Variants in MAF observed in about 807,000 individuals in gnomAD.
The protein encoded by MAF is transcription factor Maf.
Under a neutral mutation model 22.0 loss-of-function variants are expected in MAF, and 10 were observed. The ratio of observed to expected loss-of-function variants is 0.45; its 90% CI spans 0.28 to 0.77. The LOEUF (loss-of-function observed/expected upper bound fraction) is 0.77. Ranked by LOEUF, MAF falls within the 30% of genes least tolerant of loss-of-function variation. The pLI, the probability that MAF is intolerant of heterozygous loss-of-function variation, is 0.12. For synonymous variants in MAF, 337 were observed against 255.8 expected (o/e 1.32, Z -3.03); for missense variants, 544 against 548.4 (o/e 0.99, Z 0.08).
chr16:79,535,714 C>A, the MAF span, among the ~76,000 whole-genome samples: 1 of 151,160 alleles, frequency 6.6e-6, no homozygotes, highest in African/African-American at 2.4e-5. Flanking sequence ...TAGGAGTCCT[C>A]AGCCTCCTGA....
chr16:79,433,345 T>C, the MAF span, among the ~76,000 whole-genome samples: 8 of 151,090 alleles, frequency 5.3e-5, no homozygotes, highest in African/African-American at 1.9e-4. Context: ...AACGGGACGA[T>C]GGAGTTGGTG....
At chr16:79,337,733 G>A in the MAF span, among the ~76,000 whole-genome samples, 1 of 152,138 alleles carries the variant, frequency 6.6e-6, no homozygotes, top group Non-Finnish European at 1.5e-5. Context: ...GCACACGTGT[G>A]CACCTTATCT....
At chr16:79,361,450 G>C in the MAF span, among the ~76,000 whole-genome samples, 1 of 152,300 alleles carries the variant, frequency 6.6e-6, no homozygotes, top group African/African-American at 2.4e-5. Context: ...TGGTGTTGAA[G>C]TTTGATTAGT....
the MAF span, among the ~76,000 whole-genome samples, chr16:79,259,200 C>T: frequency 2.0e-5 from 3 of 152,170 alleles, no homozygotes; most frequent in Non-Finnish European, 4.4e-5. Context: ...TTACCTTCTC[C>T]CTTCCTGGCT....
chr16:79,211,827 C>T, the MAF span: 1 of 1,613,214 alleles, frequency 6.2e-7, no homozygotes, highest in Non-Finnish European at 8.5e-7. Context: ...GCACACACAC[C>T]CGCCCTGTGT....
At chr16:79,223,623 AAAG>A in the MAF span, among the ~76,000 whole-genome samples, 1 of 152,220 alleles carries the variant, frequency 6.6e-6, no homozygotes, top group Non-Finnish European at 1.5e-5. Context: ...CCAGATTAAT[AAAG>A]AAGAAAAGAG....
At chr16:79,493,145 T>C in the MAF span, among the ~76,000 whole-genome samples, 17 of 146,146 alleles carry the variant, frequency 1.2e-4, no homozygotes, top group Admixed American at 3.4e-4. Context: ...TTTTTTTTGT[T>C]TTGTTTTGTC....
At chr16:79,317,761 G>T in the MAF span, among the ~76,000 whole-genome samples, 1 of 152,130 alleles carries the variant, frequency 6.6e-6, no homozygotes, top group Admixed American at 6.5e-5. Context: ...TTTGCTCTGG[G>T]CTCCACCTGA....
At chr16:79,510,620 T>C in the MAF span, among the ~76,000 whole-genome samples, 1 of 152,180 alleles carries the variant, frequency 6.6e-6, no homozygotes, top group Non-Finnish European at 1.5e-5. Flanking sequence ...CTATTTACTG[T>C]CATACCCAGA....
At chr16:79,521,754 G>T in the MAF span, among the ~76,000 whole-genome samples, 19 of 152,200 alleles carry the variant, frequency 1.2e-4, no homozygotes, top group Admixed American at 3.3e-4. Flanking sequence ...GATTTCAATA[G>T]GACAGCTCAT....
the MAF span, among the ~76,000 whole-genome samples, chr16:79,230,720 A>G: frequency 6.6e-6 from 1 of 152,094 alleles, no homozygotes; most frequent in East Asian, 1.9e-4. Flanking sequence ...CCATTTTCGC[A>G]TGATGGAGTG....
chr16:79,256,653 C>T, the MAF span, among the ~76,000 whole-genome samples: 4 of 152,132 alleles, frequency 2.6e-5, no homozygotes, highest in Admixed American at 6.5e-5. Flanking sequence ...CCAGGTCTCC[C>T]GTTATAAGTG....
the MAF span, among the ~76,000 whole-genome samples, chr16:79,227,921 T>G: frequency 6.6e-6 from 1 of 152,088 alleles, no homozygotes; most frequent in Non-Finnish European, 1.5e-5. Flanking sequence ...GAAAAATCTT[T>G]GAGACAGGGT....
the MAF span, among the ~76,000 whole-genome samples, chr16:79,299,419 G>C: frequency 6.6e-5 from 10 of 151,648 alleles, no homozygotes; most frequent in African/African-American, 2.4e-4. Flanking sequence ...GCCCAAAGTA[G>C]GTTTCAGTCT....
At chr16:79,452,650 T>C in the MAF span, among the ~76,000 whole-genome samples, 1 of 152,170 alleles carries the variant, frequency 6.6e-6, no homozygotes, top group East Asian at 1.9e-4. Context: ...TGCTATTGCT[T>C]CTATTTGGGC....
At chr16:79,570,875 C>A in the MAF span, among the ~76,000 whole-genome samples, 4 of 152,136 alleles carry the variant, frequency 2.6e-5, no homozygotes, top group Non-Finnish European at 5.9e-5. Flanking sequence ...AAATGCTGAG[C>A]GTAAGGAGGA....
chr16:79,483,780 G>T, the MAF span, among the ~76,000 whole-genome samples: 4 of 152,154 alleles, frequency 2.6e-5, no homozygotes, highest in Non-Finnish European at 4.4e-5. Context: ...TAAGCAGAAA[G>T]ATCTTTGAGA....
At chr16:79,518,805 AT>A in the MAF span, among the ~76,000 whole-genome samples, 2 of 152,168 alleles carry the variant, frequency 1.3e-5, no homozygotes, top group East Asian at 3.9e-4. Context: ...CATGCCCATA[AT>A]CCCAGCCACT....
At chr16:79,324,494 C>T in the MAF span, among the ~76,000 whole-genome samples, 3 of 152,116 alleles carry the variant, frequency 2.0e-5, no homozygotes, top group Non-Finnish European at 1.5e-5. Flanking sequence ...TAGAACCAAT[C>T]CCCCATGTGT....
Sources: gnomAD v4.1 joint callset for allele counts (sites outside exome capture counted in the v4.1 genomes callset) on GRCh38, gnomAD v4.1.1 for gene constraint, MANE v1.5 for transcripts, NCBI Gene and HGNC (gene_info 2026-07-23, HGNC 2026-07-21) for gene names.